The following MAD1L1 variants were observed in gnomAD, a reference collection of about 807,000 sequenced individuals.
MAD1L1 encodes the protein mitotic arrest deficient 1 like 1.
MAD1L1 carries 95 observed loss-of-function variants against 96.9 expected under a neutral mutation model. That is an observed-to-expected ratio of 0.98 (90% confidence interval 0.83 to 1.16). The LOEUF is 1.16. Among genes scored for constraint, MAD1L1 ranks in the 50% most tolerant of loss-of-function variants. The pLI is 0.00. For missense variants in MAD1L1, 1,007 were observed against 954.4 expected (o/e 1.06, Z -0.73); for synonymous variants, 473 against 396.6 (o/e 1.19, Z -2.29).
intron 18 of MAD1L1, among the ~76,000 whole-genome samples, chr7:1,860,662 C>T (rs1294326027): frequency 6.6e-6 from 1 of 152,234 alleles, no homozygotes; most frequent in Admixed American, 6.5e-5. Flanking sequence ...GCAGGGGCTA[C>T]TGGCGACTGC....
chr7:2,023,530 T>A lies in MAD1L1; in HGVS notation c.1219-8888A>T, dbSNP rs533462338. Among the ~76,000 whole-genome samples, 110 of 152,236 alleles carry A rather than the reference T, an allele frequency of 7.2e-4. 1 individual carries two copies. Among genetic ancestry groups the A allele is most frequent in the African/African-American group, 2.5e-3 (104 of 41,540 alleles). ...AAATTGTAGGATGAAACAAAAGCCA[T>A]GCTTAGAGGAAAATTTATAGCATTG... On this transcript the variant is annotated intron_variant, in intron 12 of 18. Coordinates refer to ENST00000265854, the MANE Select transcript of MAD1L1 (RefSeq NM_001013836.2).
At chr7:1,831,137 A>ATT (rs148786675) in intron 18 of MAD1L1, among the ~76,000 whole-genome samples, 16 of 140,756 alleles carry the variant, frequency 1.1e-4, no homozygotes, top group African/African-American at 3.9e-4. Flanking sequence ...CAGACACTGC[A>ATT]TTTTTTACAA....
chr7:1,863,821 G>A (rs1784647081), intron 18 of MAD1L1, among the ~76,000 whole-genome samples: 1 of 152,140 alleles, frequency 6.6e-6, no homozygotes, highest in South Asian at 2.1e-4. Flanking sequence ...AGGCGCGGTG[G>A]CTCCTGCCTG....
At chr7:2,067,607 C>G (rs552049004) in intron 12 of MAD1L1, among the ~76,000 whole-genome samples, 3 of 152,104 alleles carry the variant, frequency 2.0e-5, no homozygotes, top group African/African-American at 7.2e-5. Flanking sequence ...CCCAAACCCC[C>G]GCAGTGGTCA....
intron 11 of MAD1L1, among the ~76,000 whole-genome samples, chr7:2,138,201 T>C (rs1453940384): frequency 6.6e-6 from 1 of 152,064 alleles, no homozygotes; most frequent in Non-Finnish European, 1.5e-5. Flanking sequence ...TTTTTTAACT[T>C]GCTAAAGAGG....
chr7:2,023,536 G>C (rs746112720), intron 12 of MAD1L1, among the ~76,000 whole-genome samples: 1 of 151,934 alleles, frequency 6.6e-6, no homozygotes, highest in Non-Finnish European at 1.5e-5. Context: ...GCCATGCTTA[G>C]AGGAAAATTT....
At chr7:1,970,481 G>A (rs888413480) in intron 15 of MAD1L1, among the ~76,000 whole-genome samples, 4 of 151,712 alleles carry the variant, frequency 2.6e-5, no homozygotes, top group Non-Finnish European at 4.4e-5. Flanking sequence ...TTACAGGCAC[G>A]CGCCACCACG....
intron 16 of MAD1L1, among the ~76,000 whole-genome samples, chr7:1,955,386 G>A (rs1489155976): frequency 6.6e-6 from 1 of 152,180 alleles, no homozygotes; most frequent in East Asian, 1.9e-4. Flanking sequence ...TGCCTCCTGG[G>A]TTCAAGCGAT....
Position 2,069,302 on chromosome 7 carries a change from C to A in MAD1L1, c.1110G>T (p.Gln370His). 1 of 1,608,240 alleles carries A rather than the reference C, an allele frequency of 6.2e-7. No individual in the cohort carries two copies. The highest frequency in any genetic ancestry group is 8.5e-7 in the Non-Finnish European group (1 of 1,178,908). The change falls in exon 12 of 19, where the codon CAG becomes CAT. Residue 370 changes from glutamine (Q) to histidine (H), a missense_variant. Transcript: ENST00000265854. Reference sequence around the variant, plus strand: ...GGCCGCTGACCTGCCGGAGCTCCTCCTGCAGCTGCTGCCTGGCCTTCTCCA... The same window carrying A: ...GGCCGCTGACCTGCCGGAGCTCCTCATGCAGCTGCTGCCTGGCCTTCTCCA... ...RGLEKARQQL[Q>H]EELRQVSGQL... is the part of the protein sequence containing the mutation.
chr7:2,090,198 A>C (rs1251124362), intron 11 of MAD1L1, among the ~76,000 whole-genome samples: 3 of 151,748 alleles, frequency 2.0e-5, no homozygotes, highest in Non-Finnish European at 4.4e-5. Context: ...CTGGGGTTCT[A>C]AGGTGGAGGT....
intron 18 of MAD1L1, chr7:1,845,672 C>T (rs1306501971): frequency 2.0e-5 from 3 of 151,380 alleles, no homozygotes; most frequent in Non-Finnish European, 4.4e-5. Flanking sequence ...CGCAGACACG[C>T]GTCCCGCTCT....
chr7:1,902,634 C>T (rs4236277), intron 17 of MAD1L1, among the ~76,000 whole-genome samples: 45,331 of 152,130 alleles, frequency 0.3, 8,041 homozygotes, highest in East Asian at 0.45. Context: ...GCTATACCCA[C>T]GCAGAACCAG....
intron 18 of MAD1L1, among the ~76,000 whole-genome samples, chr7:1,841,195 G>A (rs1406029590): frequency 2.0e-5 from 3 of 152,224 alleles, no homozygotes; most frequent in African/African-American, 7.2e-5. Flanking sequence ...AATGAGAGCT[G>A]TGCTTCCCTG....
intron 12 of MAD1L1, among the ~76,000 whole-genome samples, chr7:2,040,668 T>G (rs1245620410): frequency 6.6e-6 from 1 of 152,228 alleles, no homozygotes; most frequent in East Asian, 1.9e-4. Flanking sequence ...ATGTGCTTCC[T>G]TAGCTCCAAG....
At chr7:2,105,612 C>A (rs1787048776) in intron 11 of MAD1L1, among the ~76,000 whole-genome samples, 1 of 152,124 alleles carries the variant, frequency 6.6e-6, no homozygotes, top group African/African-American at 2.4e-5. Context: ...TGCAGCCTTG[C>A]CAAGGCCAGC....
intron 18 of MAD1L1, among the ~76,000 whole-genome samples, chr7:1,864,762 G>A (rs1036332876): frequency 6.6e-6 from 1 of 152,152 alleles, no homozygotes; most frequent in African/African-American, 2.4e-5. Flanking sequence ...GGGTGAGGGG[G>A]TTCCCACTGT....
chr7:1,875,591 A>G (rs1039852347), intron 18 of MAD1L1, among the ~76,000 whole-genome samples: 4 of 152,314 alleles, frequency 2.6e-5, no homozygotes, highest in South Asian at 2.1e-4. Flanking sequence ...TGGGAGGGGC[A>G]GGGAGAGGAA....
chr7:2,062,916 A>G (rs1211234994), intron 12 of MAD1L1, among the ~76,000 whole-genome samples: 4 of 152,248 alleles, frequency 2.6e-5, no homozygotes, highest in Admixed American at 2.0e-4. Flanking sequence ...GACGAAGGTC[A>G]AAAGGATAAC....
At position 2,199,686 on chromosome 7, in the gene MAD1L1, C is replaced by A. The variant is rs374971068; in HGVS notation, c.986+13526G>T. ...GAAACCAGACGAGGGCCAGGCCAGGCAGACACACCGGGCAGCCACTGAACT... is the reference window on the plus strand; with the variant it reads ...GAAACCAGACGAGGGCCAGGCCAGGAAGACACACCGGGCAGCCACTGAACT... On this transcript the variant is annotated intron_variant, in intron 10 of 18. Transcript: ENST00000265854. Among the ~76,000 whole-genome samples, 51 of 152,372 alleles carry A rather than the reference C, an allele frequency of 3.3e-4. 1 individual carries two copies. In the South Asian group the frequency reaches 0.01, roughly 31 times the overall value.
Sources: allele counts gnomAD v4.1 joint callset (sites outside exome capture counted in the v4.1 genomes callset), GRCh38; gene constraint gnomAD v4.1.1; transcripts MANE v1.5; gene names NCBI Gene and HGNC (gene_info 2026-07-23, HGNC 2026-07-21).